RASSF3: variants seen among roughly 807,000 people sequenced by gnomAD.
RASSF3 encodes the protein ras association domain-containing protein 3.
Under a neutral mutation model 19.9 loss-of-function variants are expected in RASSF3, and 19 were observed. That is an observed-to-expected ratio of 0.96 (90% CI 0.67 to 1.40). The LOEUF (loss-of-function observed/expected upper bound fraction) is 1.40, where lower values mean the gene tolerates loss of function less well. Among genes scored for constraint, RASSF3 ranks in the 40% most tolerant of loss-of-function variants. The probability of loss-of-function intolerance (pLI) is 0.00; values close to 1 mark genes in which losing one functional copy is unlikely to be tolerated. For missense variants in RASSF3, 306 were observed against 289.8 expected, an observed-to-expected ratio of 1.06 and a Z score of -0.41; for synonymous variants, 110 against 104.2, an observed-to-expected ratio of 1.06 and a Z score of -0.34.
chr12:64,521,648 T>C (rs1868482212), intron 1 of RASSF3, among the ~76,000 whole-genome samples: 1 of 152,216 alleles, frequency 6.6e-6, no homozygotes, highest in Non-Finnish European at 1.5e-5. Context: ...CCTTCTTCCA[T>C]GCGTCTATGT....
intron 1 of RASSF3, among the ~76,000 whole-genome samples, chr12:64,643,018 C>A (rs1341334492): frequency 6.6e-6 from 1 of 151,976 alleles, no homozygotes; most frequent in Non-Finnish European, 1.5e-5. Context: ...TGGCACCACA[C>A]CTGGCTAATG....
intron 1 of RASSF3, among the ~76,000 whole-genome samples, chr12:64,656,255 A>AT (rs1872155025): frequency 6.6e-6 from 1 of 152,074 alleles, no homozygotes; most frequent in Admixed American, 6.6e-5. Context: ...GTATATGAAT[A>AT]TTTGTCAGCT....
At chr12:64,648,980 A>T (rs1871841104) in intron 1 of RASSF3, among the ~76,000 whole-genome samples, 1 of 150,960 alleles carries the variant, frequency 6.6e-6, no homozygotes, top group African/African-American at 2.4e-5. Context: ...TAATGATTTA[A>T]AAAATGTTTT....
chr12:64,511,375 T>C (rs1868326972), intron 1 of RASSF3, among the ~76,000 whole-genome samples: 1 of 152,058 alleles, frequency 6.6e-6, no homozygotes. Context: ...CCAGCTACCC[T>C]GGAGGCTGAG....
chr12:64,692,728 C>T (rs1868302884), intron 4 of RASSF3, among the ~76,000 whole-genome samples: 1 of 152,078 alleles, frequency 6.6e-6, no homozygotes, highest in Non-Finnish European at 1.5e-5. Flanking sequence ...ATTTTATTAA[C>T]TTGGTTATTT....
chr12:64,688,712 G>T (rs564750095), intron 3 of RASSF3, among the ~76,000 whole-genome samples: 1 of 152,134 alleles, frequency 6.6e-6, no homozygotes, highest in African/African-American at 2.4e-5. Context: ...TGGTGTTGGT[G>T]GGGGGATGGG....
At chr12:64,563,279 G>T (rs1869378475) in intron 2 of RASSF3, among the ~76,000 whole-genome samples, 1 of 151,434 alleles carries the variant, frequency 6.6e-6, no homozygotes, top group African/African-American at 2.4e-5. Context: ...CGATTATCCT[G>T]CCTCAGCCTC....
intron 1 of RASSF3, among the ~76,000 whole-genome samples, chr12:64,645,578 G>C (rs2136186791): frequency 6.6e-6 from 1 of 151,868 alleles, no homozygotes; most frequent in East Asian, 1.9e-4. Context: ...TGTGCTTTAG[G>C]TGTGTATTCT....
intron 1 of RASSF3, among the ~76,000 whole-genome samples, chr12:64,660,032 G>GTA (rs1249240217): frequency 8.9e-6 from 1 of 112,618 alleles, no homozygotes; most frequent in African/African-American, 3.2e-5. Context: ...GTGTGTATGT[G>GTA]TATATATATG....
chr12:64,579,210 T>C lies in RASSF3; in HGVS notation c.294+37505T>C, dbSNP rs531900203. 1.6e-4 allele frequency among the ~76,000 whole-genome samples: 24 copies of C among 152,312 alleles called. 1 individual carries two copies. The South Asian group carries it at 4.1e-3, about 26-fold the overall frequency. ...CCGTGTTAGAAAGTCTGCACCTTTT[T>C]TCAGCTTCAAAAGAGTTTCTAATAG... On this transcript the variant is annotated intron_variant, in intron 2 of 5. Coordinates refer to the RASSF3 transcript ENST00000637125.
intron 1 of RASSF3, among the ~76,000 whole-genome samples, chr12:64,538,444 T>A (rs1868874520): frequency 6.6e-6 from 1 of 152,172 alleles, no homozygotes; most frequent in Non-Finnish European, 1.5e-5. Flanking sequence ...CATCTGAAAT[T>A]TGGAGGCACA....
At chr12:64,570,654 GTCTT>G (rs980375921) in intron 2 of RASSF3, among the ~76,000 whole-genome samples, 1 of 152,176 alleles carries the variant, frequency 6.6e-6, no homozygotes, top group Admixed American at 6.5e-5. Context: ...GGGAAAAATT[GTCTT>G]TCTAAGAGCT....
intron 2 of RASSF3, among the ~76,000 whole-genome samples, chr12:64,555,081 T>G (rs1287230341): frequency 2.0e-5 from 3 of 151,896 alleles, no homozygotes; most frequent in Admixed American, 6.6e-5. Flanking sequence ...CCGTCTTTAC[T>G]AAAAATACAA....
At chr12:64,633,336 A>G (rs1464044204) in intron 1 of RASSF3, among the ~76,000 whole-genome samples, 1 of 152,234 alleles carries the variant, frequency 6.6e-6, no homozygotes, top group South Asian at 2.1e-4. Context: ...AGTGGGAGGT[A>G]TTGGATTATG....
At chr12:64,661,534 C>T (rs1872357834) in intron 1 of RASSF3, among the ~76,000 whole-genome samples, 1 of 151,902 alleles carries the variant, frequency 6.6e-6, no homozygotes, top group Non-Finnish European at 1.5e-5. Context: ...GCTCACACAA[C>T]CCTGTTTGTT....
chr12:64,683,163 A>G (rs1322182817), intron 1 of RASSF3, among the ~76,000 whole-genome samples: 1 of 152,238 alleles, frequency 6.6e-6, no homozygotes, highest in Non-Finnish European at 1.5e-5. Context: ...AGCTCCCAGT[A>G]AAGGTTGGAG....
chr12:64,556,048 C>A (rs934488737), intron 2 of RASSF3, among the ~76,000 whole-genome samples: 3 of 152,008 alleles, frequency 2.0e-5, no homozygotes, highest in African/African-American at 7.3e-5. Context: ...GGGGAGGGAG[C>A]CAGAGAAAGA....
chr12:64,670,368 C>G (rs986845552), intron 1 of RASSF3, among the ~76,000 whole-genome samples: 11 of 64,414 alleles, frequency 1.7e-4, no homozygotes, highest in Non-Finnish European at 3.6e-4. Context: ...CTAGATTTTA[C>G]TGTTTTTTTT....
At chr12:64,569,919 C>T (rs745969987) in intron 2 of RASSF3, among the ~76,000 whole-genome samples, 10 of 152,150 alleles carry the variant, frequency 6.6e-5, no homozygotes, top group African/African-American at 7.2e-5. Flanking sequence ...GAGCCGAGGC[C>T]GTGCCACTGC....
Sources: allele counts gnomAD v4.1 joint callset (sites outside exome capture counted in the v4.1 genomes callset), GRCh38; gene constraint gnomAD v4.1.1; transcripts MANE v1.5; gene names NCBI Gene and HGNC (gene_info 2026-07-23, HGNC 2026-07-21).